PTPN4: variants seen among roughly 807,000 people sequenced by gnomAD.
PTPN4 encodes tyrosine-protein phosphatase non-receptor type 4.
A neutral mutation model predicts 135.5 loss-of-function variants in PTPN4; 49 were observed. That is an observed-to-expected ratio of 0.36 (90% confidence interval 0.29 to 0.46). The LOEUF is 0.46. Ranked by LOEUF, PTPN4 falls within the 20% of genes least tolerant of loss-of-function variation. The pLI is 1.00. For synonymous variants in PTPN4, 333 were observed against 369.9 expected (o/e 0.90, Z 1.14); for missense variants, 860 against 1,101.0 (o/e 0.78, Z 3.10).
intron 3 of PTPN4, among the ~76,000 whole-genome samples, chr2:119,876,788 G>C (rs1309594042): frequency 2.6e-5 from 4 of 151,608 alleles, no homozygotes; most frequent in Non-Finnish European, 5.9e-5. Context: ...TTTCAAATGG[G>C]AGGTATTTTA....
At chr2:119,914,988 C>T (rs545239657) in intron 10 of PTPN4, among the ~76,000 whole-genome samples, 191 bp from the exon 11 acceptor site, 1 of 152,138 alleles carries the variant, frequency 6.6e-6, no homozygotes, top group East Asian at 1.9e-4. Flanking sequence ...AAATTTTCCT[C>T]AGTTGAACAC....
intron 10 of PTPN4, among the ~76,000 whole-genome samples, chr2:119,912,553 A>G (rs867006172): frequency 2.6e-5 from 4 of 152,326 alleles, no homozygotes; most frequent in African/African-American, 9.6e-5. Flanking sequence ...AGTATAAAAT[A>G]GTTATATGAT....
chr2:119,773,467 G>A (rs1254704653), intron 1 of PTPN4, among the ~76,000 whole-genome samples: 1 of 152,126 alleles, frequency 6.6e-6, no homozygotes, highest in Non-Finnish European at 1.5e-5. Flanking sequence ...GCTGGGCGCG[G>A]TGGCTCATGC....
At chr2:119,833,677 A>T (rs1303343536) in intron 2 of PTPN4, among the ~76,000 whole-genome samples, 3 of 151,908 alleles carry the variant, frequency 2.0e-5, no homozygotes, top group Non-Finnish European at 2.9e-5. Flanking sequence ...TTCACCTCGG[A>T]CTAATTTTTT....
At chr2:119,943,661 C>CT (rs1263828153) in intron 15 of PTPN4, among the ~76,000 whole-genome samples, 1 of 137,666 alleles carries the variant, frequency 7.3e-6, no homozygotes, top group Non-Finnish European at 1.5e-5. Context: ...TCTTGGCTCA[C>CT]TGCAAGCTCC....
At chr2:119,948,989 A>G (rs1251656193) in intron 18 of PTPN4, among the ~76,000 whole-genome samples, 2 of 152,138 alleles carry the variant, frequency 1.3e-5, no homozygotes, top group African/African-American at 4.8e-5. Context: ...TATTTACATG[A>G]CAGTTGTAAT....
chr2:119,862,891 T>C (rs933298413), intron 3 of PTPN4, among the ~76,000 whole-genome samples: 7 of 152,122 alleles, frequency 4.6e-5, no homozygotes, highest in Admixed American at 6.6e-5. Context: ...CTCAGACAAC[T>C]AAAAAGTAAA....
At chr2:119,797,256 T>C (rs1256803791) in intron 1 of PTPN4, among the ~76,000 whole-genome samples, 1 of 152,232 alleles carries the variant, frequency 6.6e-6, no homozygotes, top group Admixed American at 6.5e-5. Context: ...ATTCCCTTTT[T>C]ACCTTTGTCA....
rs3084705 is a variant in PTPN4, at chr2:119,941,412, AGTGT to A, written c.1356-3646_1356-3643del. ...CCTTGATTACTTTTATAGACTTCAG[AGTGT>A]GTGTGTGTGTGTGTGTGTGTGTATA... On this transcript the variant is annotated intron_variant, in intron 15 of 26. Coordinates refer to ENST00000263708, the MANE Select transcript of PTPN4 (RefSeq NM_002830.4). 6.3e-3 allele frequency among the ~76,000 whole-genome samples: 944 copies of A among 148,832 alleles called. 4 individuals are homozygous for A. Among genetic ancestry groups the A allele is most frequent in the African/African-American group, 0.02 (820 of 40,648 alleles).
At chr2:119,884,721 TTAAA>T (rs1678130193) in intron 8 of PTPN4, among the ~76,000 whole-genome samples, 1 of 152,194 alleles carries the variant, frequency 6.6e-6, no homozygotes, top group Non-Finnish European at 1.5e-5. Flanking sequence ...CATCAGATCT[TTAAA>T]TGAAGAAAAA....
chr2:119,828,231 T>C (rs1216454534), intron 2 of PTPN4, among the ~76,000 whole-genome samples: 3 of 152,262 alleles, frequency 2.0e-5, no homozygotes, highest in African/African-American at 7.2e-5. Context: ...GCAAGGCATC[T>C]TGTACGTCAG....
intron 1 of PTPN4, among the ~76,000 whole-genome samples, chr2:119,792,311 A>G (rs941436610): frequency 7.2e-5 from 11 of 152,316 alleles, no homozygotes; most frequent in African/African-American, 2.6e-4. Context: ...AGCTTAGTGC[A>G]GTACCTATAT....
chr2:119,851,228 G>A (rs962908725), intron 2 of PTPN4, among the ~76,000 whole-genome samples: 1 of 152,076 alleles, frequency 6.6e-6, no homozygotes, highest in Non-Finnish European at 1.5e-5. Flanking sequence ...AAGGTGTCCC[G>A]AGTTACCGGC....
At chr2:119,774,279 A>G (rs1690789754) in intron 1 of PTPN4, among the ~76,000 whole-genome samples, 1 of 152,208 alleles carries the variant, frequency 6.6e-6, no homozygotes, top group South Asian at 2.1e-4. Flanking sequence ...GAAAAAGTTG[A>G]ATGGCTTGAT....
intron 9 of PTPN4, among the ~76,000 whole-genome samples, chr2:119,889,312 C>T (rs1678206695): frequency 6.6e-6 from 1 of 151,958 alleles, no homozygotes; most frequent in Non-Finnish European, 1.5e-5. Context: ...CCCCACTACT[C>T]GGGAGGCTGA....
chr2:119,948,446 T>TA (rs971460913), intron 18 of PTPN4, among the ~76,000 whole-genome samples: 6 of 150,760 alleles, frequency 4.0e-5, no homozygotes, highest in East Asian at 1.9e-4. Context: ...ATTTAAGACT[T>TA]AAAAAAAAAG....
intron 5 of PTPN4, 126 bp downstream of exon 5, chr2:119,877,668 A>T (rs192349785): frequency 8.1e-7 from 1 of 1,229,882 alleles, no homozygotes; most frequent in African/African-American, 1.5e-5. Flanking sequence ...ACACAGAATA[A>T]GTTATGGCTA....
intron 2 of PTPN4, among the ~76,000 whole-genome samples, chr2:119,859,562 C>A (rs548384994): frequency 6.6e-6 from 1 of 152,188 alleles, no homozygotes; most frequent in Non-Finnish European, 1.5e-5. Context: ...TTGGGAGACA[C>A]CACTTGCTAC....
intron 3 of PTPN4, among the ~76,000 whole-genome samples, chr2:119,876,127 A>G (rs941390977): frequency 6.6e-6 from 1 of 152,182 alleles, no homozygotes; most frequent in African/African-American, 2.4e-5. Context: ...GCTGGAATTT[A>G]GTAAGCTGAG....
Sources: gnomAD v4.1 joint callset for allele counts (sites outside exome capture counted in the v4.1 genomes callset) on GRCh38, gnomAD v4.1.1 for gene constraint, MANE v1.5 for transcripts, NCBI Gene and HGNC (gene_info 2026-07-23, HGNC 2026-07-21) for gene names.